CHCHD3: variants seen among roughly 807,000 people sequenced by gnomAD.
CHCHD3 encodes the protein MICOS complex subunit MIC19.
Under a neutral mutation model 38.2 loss-of-function variants are expected in CHCHD3, and 20 were observed. The observed-to-expected ratio is 0.52, with a 90% CI of 0.37 to 0.76. CHCHD3 has a LOEUF of 0.76. Among genes scored for constraint, CHCHD3 ranks in the 30% least tolerant of loss-of-function variants. The probability of loss-of-function intolerance (pLI) is 0.00; values close to 1 mark genes in which losing one functional copy is unlikely to be tolerated. For missense variants in CHCHD3, 245 were observed against 279.2 expected (o/e 0.88, Z 0.87); for synonymous variants, 82 against 100.0 (o/e 0.82, Z 1.07).
chr7:132,832,411 T>TCACAGAAAC (rs1371691973), intron 6 of CHCHD3, among the ~76,000 whole-genome samples: 1 of 152,210 alleles, frequency 6.6e-6, no homozygotes, highest in Non-Finnish European at 1.5e-5. Flanking sequence ...GCTTCTTCTT[T>TCACAGAAAC]CACAGAAACT....
intron 6 of CHCHD3, among the ~76,000 whole-genome samples, chr7:132,817,867 G>A (rs972948026): frequency 6.7e-6 from 1 of 150,250 alleles, no homozygotes; most frequent in African/African-American, 2.5e-5. Flanking sequence ...ATTCCAGCCT[G>A]AGTGACAGAG....
intron 6 of CHCHD3, among the ~76,000 whole-genome samples, chr7:132,837,634 T>C (rs769435494): frequency 1.2e-4 from 19 of 152,234 alleles, no homozygotes; most frequent in Non-Finnish European, 5.9e-5. Flanking sequence ...CTTGTAAACA[T>C]GTGCAAGGAA....
At chr7:133,033,960 T>C (rs940892370) in intron 2 of CHCHD3, among the ~76,000 whole-genome samples, 4 of 152,020 alleles carry the variant, frequency 2.6e-5, no homozygotes, top group East Asian at 1.9e-4. Context: ...CTGTGAGATA[T>C]CACAAGAATG....
intron 3 of CHCHD3, among the ~76,000 whole-genome samples, chr7:132,992,438 T>G (rs1315188880): frequency 6.6e-6 from 1 of 152,094 alleles, no homozygotes; most frequent in Non-Finnish European, 1.5e-5. Context: ...TCCTCCAAGC[T>G]TTAATGTTTT....
chr7:132,825,590 C>T (rs978604788), intron 6 of CHCHD3, among the ~76,000 whole-genome samples: 1 of 152,198 alleles, frequency 6.6e-6, no homozygotes, highest in East Asian at 1.9e-4. Context: ...CAGGAAAAGA[C>T]AAGAACTGGT....
At chr7:132,885,799 G>A (rs1809192399) in intron 4 of CHCHD3, 54 bp from the exon 5 acceptor site, 12 of 1,301,206 alleles carry the variant, frequency 9.2e-6, no homozygotes, top group African/African-American at 1.5e-5. Flanking sequence ...CAACAGCAAA[G>A]CAAAAGTCAA....
At chr7:132,905,012 G>A (rs1809760966) in intron 4 of CHCHD3, among the ~76,000 whole-genome samples, 1 of 150,276 alleles carries the variant, frequency 6.7e-6, no homozygotes, top group Non-Finnish European at 1.5e-5. Flanking sequence ...ACCAAACACT[G>A]CATGTTCTCA....
At chr7:132,969,801 G>C (rs1335690765) in intron 4 of CHCHD3, among the ~76,000 whole-genome samples, 2 of 152,042 alleles carry the variant, frequency 1.3e-5, no homozygotes, top group African/African-American at 4.8e-5. Flanking sequence ...TACTTCATTA[G>C]AGTGTAAGCT....
intron 5 of CHCHD3, among the ~76,000 whole-genome samples, chr7:132,866,682 T>G (rs1808633916): frequency 6.6e-6 from 1 of 152,194 alleles, no homozygotes; most frequent in Non-Finnish European, 1.5e-5. Flanking sequence ...TTAGAGTCAC[T>G]CTTGAAACCA....
intron 2 of CHCHD3, among the ~76,000 whole-genome samples, chr7:133,048,092 A>AACAACAACG (rs1384704573): frequency 6.6e-6 from 1 of 152,074 alleles, no homozygotes; most frequent in Non-Finnish European, 1.5e-5. Context: ...CTGTCTCAAA[A>AACAACAACG]ACAACAACGA....
chr7:132,786,803 T>G (rs1412298536), intron 7 of CHCHD3, among the ~76,000 whole-genome samples: 1 of 152,238 alleles, frequency 6.6e-6, no homozygotes, highest in Non-Finnish European at 1.5e-5. Flanking sequence ...CTAATTTTTA[T>G]TTATTTGCTA....
intron 3 of CHCHD3, among the ~76,000 whole-genome samples, chr7:132,987,865 A>C (rs1303886289): frequency 6.6e-6 from 1 of 152,110 alleles, no homozygotes. Flanking sequence ...AAGACTAACC[A>C]ACCCTCCAGC....
At chr7:133,018,875 C>CTCTT (rs769011540) in intron 3 of CHCHD3, among the ~76,000 whole-genome samples, 12 of 70,160 alleles carry the variant, frequency 1.7e-4, no homozygotes, top group African/African-American at 7.0e-4. Context: ...CATGATTTCT[C>CTCTT]TTTTTTTTTT....
chr7:132,830,764 A>G (rs1486813864), intron 6 of CHCHD3: 1 of 152,230 alleles, frequency 6.6e-6, no homozygotes, highest in Non-Finnish European at 1.5e-5. Context: ...AAGTTGACAT[A>G]GGTGAGCTGA....
intron 1 of CHCHD3, among the ~76,000 whole-genome samples, chr7:133,079,539 T>C (rs1815109247): frequency 6.6e-6 from 1 of 152,202 alleles, no homozygotes; most frequent in African/African-American, 2.4e-5. Flanking sequence ...ATCTACAATG[T>C]GCCAGGTGCT....
At chr7:132,914,128 G>A (rs1455721648) in intron 4 of CHCHD3, among the ~76,000 whole-genome samples, 1 of 75,644 alleles carries the variant, frequency 1.3e-5, no homozygotes, top group African/African-American at 4.5e-5. Flanking sequence ...CCTGGCGTGT[G>A]TGTGTGTGTG....
chr7:132,955,173 G>GGGGTGGGTGT (rs138213006), intron 4 of CHCHD3, among the ~76,000 whole-genome samples: 1 of 126,226 alleles, frequency 7.9e-6, no homozygotes, highest in Non-Finnish European at 1.6e-5. Flanking sequence ...TCCCTCAGAG[G>GGGGTGGGTGT]GTGTGTGTGT....
At chr7:132,852,355 T>A (rs1342747783) in intron 5 of CHCHD3, among the ~76,000 whole-genome samples, 1 of 152,208 alleles carries the variant, frequency 6.6e-6, no homozygotes, top group Non-Finnish European at 1.5e-5. Context: ...TACACAGAGA[T>A]AACCAGGTTC....
chr7:133,059,733 C>G lies in CHCHD3; in HGVS notation c.169+10409G>C, dbSNP rs1314840482. ...GGCATTGTATAAGCACCATCAGGAG[C>G]CTGGTGAAGACACTCACACCCATGC... On this transcript the variant is annotated intron_variant, in intron 2 of 7. Transcript: ENST00000262570. 2.0e-5 allele frequency among the ~76,000 whole-genome samples: 3 copies of G among 152,182 alleles called. No homozygotes were observed. In the East Asian group the frequency reaches 5.8e-4, roughly 29 times the overall value.
Sources: gnomAD v4.1 joint callset for allele counts (sites outside exome capture counted in the v4.1 genomes callset) on GRCh38, gnomAD v4.1.1 for gene constraint, MANE v1.5 for transcripts, NCBI Gene and HGNC (gene_info 2026-07-23, HGNC 2026-07-21) for gene names.